The following PRR36 variants were observed in gnomAD, a reference collection of about 807,000 sequenced individuals.
PRR36 encodes the protein proline rich 36.
A neutral mutation model predicts 58.6 loss-of-function variants in PRR36; 30 were observed. The ratio of observed to expected loss-of-function variants is 0.51; its 90% CI spans 0.38 to 0.69. The LOEUF is 0.69. Ranked by LOEUF, PRR36 falls within the 30% of genes least tolerant of loss-of-function variation. The pLI is 0.00. For synonymous variants in PRR36, 771 were observed against 829.3 expected (o/e 0.93, Z 1.21); for missense variants, 1,692 against 1,805.6 (o/e 0.94, Z 1.14).
Position 7,871,643 on chromosome 19 carries a change from G to A in PRR36, c.1601C>T (p.Ser534Phe). The A allele has an allele frequency of 1.3e-6, 2 of 1,535,954 alleles. No homozygotes were observed. The highest frequency in any genetic ancestry group is 2.7e-5 in the African/African-American group (2 of 73,114). The change falls in exon 5 of 6, where the codon TCT (serine) becomes TTT (phenylalanine). Residue 534 changes from serine (S) to phenylalanine (F), a missense_variant. Ser to Phe is a radical substitution (Grantham distance 155). This residue lies in a region of PRR36 where 975 missense variants were observed against 955.2 expected (regional missense o/e 1.02). Transcript: ENST00000618550. ...AGAGACTGTGGTCAAAGGAGAGGGA[G>A]AGGCCTGCAGAGGCAATGTGGCCAG... The part of the protein sequence containing the change: ...PLLATLPLQA[S>F]PSPLTTVSLQ...
rs1980351730 is a variant in PRR36, at chr19:7,870,446, G to C, written c.2798C>G (p.Pro933Arg). ...APPLQVPPSP[P>R]ASPPMSPSAT... ...TGAAGGAGACATTGGGGGAGAGGCA[G>C]GGGGAGAGGGTGGGACCTGCAGAGG... The change falls in exon 5 of 6, where the codon CCT becomes CGT. Residue 933 changes from proline (P) to arginine (R), a missense_variant. Physicochemically the swap from Pro to Arg is moderately radical, Grantham distance 103. Around this residue, in one of 5 missense-constraint regions of PRR36, gnomAD observed 23 missense variants for 54.2 expected, o/e 0.42. Coordinates refer to ENST00000618550, the MANE Select transcript of PRR36 (RefSeq NM_001190467.2). The C allele has an allele frequency of 9.1e-6, 10 of 1,099,192 alleles. No individual in the cohort carries two copies. Among genetic ancestry groups the C allele is most frequent in the Non-Finnish European group, 1.1e-5 (10 of 880,956 alleles). 68.1% of individuals were successfully genotyped at this position (1,099,192 alleles called of 1,614,324 possible). A position where few individuals can be genotyped will look rare whatever the true frequency, so the allele number is the denominator to read the frequency against.
Position 7,870,961 on chromosome 19 carries a change from AG to A in PRR36, c.2282del (p.Pro761LeufsTer3). On this transcript the variant is annotated frameshift_variant, in exon 5 of 6. Coordinates refer to ENST00000618550, the MANE Select transcript of PRR36 (RefSeq NM_001190467.2). LOFTEE classifies it high-confidence loss of function. The stretch of plus-strand genomic sequence containing the variant: ...TCTGCAGAGGAGGCGGGGCTAGAGA[AG>A]GTAGGTTCTCCAGAGGGGGTGTGGT... ...PLTTPPLENL[P>X]SLAPPPLQTA... The A allele has an allele frequency of 1.2e-5, 16 of 1,338,090 alleles. No individual in the cohort carries two copies. Among genetic ancestry groups the A allele is most frequent in the East Asian group, 8.3e-5 (3 of 36,350 alleles). 82.9% of individuals were successfully genotyped at this position (1,338,090 alleles called of 1,614,324 possible).
Position 7,870,975 on chromosome 19 carries a change from GAGGGGGTGTGGT to G in PRR36, c.2257_2268del (p.Thr753_Pro756del). 5.9e-6 allele frequency: 6 copies of G among 1,024,238 alleles called. No individual in the cohort carries two copies. The highest frequency in any genetic ancestry group is 5.3e-6 in the Non-Finnish European group (4 of 750,110). 63.4% of individuals were successfully genotyped at this position (1,024,238 alleles called of 1,614,324 possible). Reference sequence around the variant, plus strand: ...GGGGCTAGAGAAGGTAGGTTCTCCAGAGGGGGTGTGGTCAGGGGAGCAGAAGCTGTCTGCAGA... The same window carrying G: ...GGGGCTAGAGAAGGTAGGTTCTCCAGCAGGGGAGCAGAAGCTGTCTGCAGA... On this transcript the variant is annotated inframe_deletion, in exon 5 of 6. Transcript: ENST00000618550.
chr19:7,870,974 AGAGGGGG>A lies in PRR36; in HGVS notation c.2263_2269del (p.Pro755TrpfsTer7), dbSNP rs1272221531. On this transcript the variant is annotated frameshift_variant, in exon 5 of 6. Coordinates refer to ENST00000618550, the MANE Select transcript of PRR36 (RefSeq NM_001190467.2). LOFTEE classifies it high-confidence loss of function. ...CGGGGCTAGAGAAGGTAGGTTCTCC[AGAGGGGG>A]TGTGGTCAGGGGAGCAGAAGCTGTC... is the stretch of plus-strand genomic sequence containing the variant. The A allele has an allele frequency of 4.9e-6, 5 of 1,020,776 alleles. 1 individual carries two copies. The highest frequency in any genetic ancestry group is 2.5e-4 in the Middle Eastern group (1 of 4,022). 63.2% of individuals were successfully genotyped at this position (1,020,776 alleles called of 1,614,324 possible). A position where few individuals can be genotyped will look rare whatever the true frequency, so the allele number is the denominator to read the frequency against.
At position 7,868,910 on chromosome 19, in the gene PRR36, C is replaced by A; in HGVS notation, c.*123G>T. 1 of 1,193,210 alleles carries A rather than the reference C, an allele frequency of 8.4e-7. No individual in the cohort carries two copies. Among genetic ancestry groups the A allele is most frequent in the Non-Finnish European group, 1.1e-6 (1 of 885,956 alleles). 73.9% of individuals were successfully genotyped at this position (1,193,210 alleles called of 1,614,324 possible). ...GGCCAAAGGCTCAGGCTCTAGGGAG[C>A]TAAGACTAATCCACCCAGCGGGGCT... is the stretch of plus-strand genomic sequence containing the variant. On this transcript the variant is annotated 3_prime_UTR_variant, in exon 6 of 6. Transcript: ENST00000618550.
In PRR36 at chr19:7,870,573, GAGGGGGAGAGAA is replaced by G; in HGVS notation, c.2659_2670del (p.Phe887_Pro890del). The G allele has an allele frequency of 1.2e-6, 1 of 854,472 alleles. No homozygotes were observed. Among genetic ancestry groups the G allele is most frequent in the Non-Finnish European group, 1.4e-6 (1 of 702,334 alleles). 52.9% of individuals were successfully genotyped at this position (854,472 alleles called of 1,614,324 possible). On this transcript the variant is annotated inframe_deletion, in exon 5 of 6. Transcript: ENST00000618550. ...AAAGGGGCCTGCACTGGGGGTGAGG[GAGGGGGAGAGAA>G]AGGGGCCTGCAGAAGGTGCACTGCC... is the stretch of plus-strand genomic sequence containing the variant.
chr19:7,872,522 G>C lies in PRR36; in HGVS notation c.722C>G (p.Ser241Cys). The C allele has an allele frequency of 6.6e-7, 1 of 1,509,316 alleles. No individual in the cohort carries two copies. Among genetic ancestry groups the C allele is most frequent in the Non-Finnish European group, 8.8e-7 (1 of 1,135,724 alleles). The allele number at this position is 1,509,316 out of a possible 1,614,324, so 93.5% of individuals were successfully genotyped here. Reference protein sequence around the residue: ...GGGLQRPASRSLSSSATPLSS... With the variant: ...GGGLQRPASRCLSSSATPLSS... ...GAGAGGGGTGGCGCTGGAGCTCAGGGAGCGCGAGGCCGGCCTCTGGAGACC... is the reference window on the plus strand; with the variant it reads ...GAGAGGGGTGGCGCTGGAGCTCAGGCAGCGCGAGGCCGGCCTCTGGAGACC... Residue 241 changes from serine to cysteine, a missense_variant, in exon 5 of 6, where the codon TCC (serine) becomes TGC (cysteine). Ser to Cys is a moderately radical substitution (Grantham distance 112, BLOSUM62 -1). This residue lies in a region of PRR36 where 975 missense variants were observed against 955.2 expected (regional missense o/e 1.02). Transcript: ENST00000618550. The surrounding 1 kb of genome is among the most constrained non-coding windows in gnomAD (Gnocchi z 6.1).
Position 7,872,990 on chromosome 19 carries a change from C to T in PRR36, c.375-29G>A. On this transcript the variant is annotated intron_variant, in intron 3 of 5. Coordinates refer to ENST00000618550, the MANE Select transcript of PRR36 (RefSeq NM_001190467.2). The surrounding 1 kb of genome is among the most constrained non-coding windows in gnomAD (Gnocchi z 6.1). Reference sequence around the variant, plus strand: ...GAGACAGAAGGGGCCACGCTCAGGCCTAGGTCTTTGTTTGGCTTCCCAAGT... The same window carrying T: ...GAGACAGAAGGGGCCACGCTCAGGCTTAGGTCTTTGTTTGGCTTCCCAAGT... The T allele has an allele frequency of 6.6e-7, 1 of 1,514,140 alleles. No homozygotes were observed. The allele number at this position is 1,514,140 out of a possible 1,614,324, so 93.8% of individuals were successfully genotyped here. A position where few individuals can be genotyped will look rare whatever the true frequency, so the allele number is the denominator to read the frequency against.
In PRR36 at chr19:7,872,400, G is replaced by T. The variant is rs1180974053; in HGVS notation, c.844C>A (p.Pro282Thr). The T allele has an allele frequency of 6.9e-7, 1 of 1,449,820 alleles. No homozygotes were observed. The highest frequency in any genetic ancestry group is 1.4e-5 in the South Asian group (1 of 69,554). 89.8% of individuals were successfully genotyped at this position (1,449,820 alleles called of 1,614,324 possible). The change falls in exon 5 of 6, where the codon CCC becomes ACC. Residue 282 changes from proline to threonine, a missense_variant. By Grantham distance (38) the Pro-to-Thr change is conservative. Coordinates refer to ENST00000618550, the MANE Select transcript of PRR36 (RefSeq NM_001190467.2). The surrounding 1 kb of genome is among the most constrained non-coding windows in gnomAD (Gnocchi z 6.1). ...PKPKGLQALR[P>T]PQVTPPRKDA... ...TTCCTTGGGGGTGTGACCTGAGGGG[G>T]TCGCAGAGCCTGCAGTCCTTTCGGC...
chr19:7,874,095 G>A lies in PRR36; in HGVS notation c.-8+191C>T, dbSNP rs1486970303. The stretch of plus-strand genomic sequence containing the variant: ...CCCTCCAGACCCGGAGCGCACGCCC[G>A]GGTCTCCCCGCCAGCCCCCATCGGC... On this transcript the variant is annotated intron_variant, in intron 1 of 5. Coordinates refer to ENST00000618550, the MANE Select transcript of PRR36 (RefSeq NM_001190467.2). This position sits in a 1 kb window ranked among gnomAD's most constrained non-coding sequence, Gnocchi z 6.0. 6.6e-6 allele frequency among the ~76,000 whole-genome samples: 1 copy of A among 152,012 alleles called. No individual in the cohort carries two copies. The highest frequency in any genetic ancestry group is 6.5e-5 in the Admixed American group (1 of 15,270).
chr19:7,869,479 C>T lies in PRR36; in HGVS notation c.3595G>A (p.Glu1199Lys). The T allele has an allele frequency of 1.3e-6, 2 of 1,514,508 alleles. No individual in the cohort carries two copies. The highest frequency in any genetic ancestry group is 1.8e-6 in the Non-Finnish European group (2 of 1,137,638). The allele number at this position is 1,514,508 out of a possible 1,614,324, so 93.8% of individuals were successfully genotyped here. A position where few individuals can be genotyped will look rare whatever the true frequency, so the allele number is the denominator to read the frequency against. The change falls in exon 6 of 6, where the codon GAG (glutamate) becomes AAG (lysine). Residue 1199 changes from glutamate to lysine, a missense_variant. Glu to Lys is a moderately conservative substitution (Grantham distance 56). Coordinates refer to ENST00000618550, the MANE Select transcript of PRR36 (RefSeq NM_001190467.2). Reference protein sequence around the residue: ...GSADGLCTIYETEGPESATPA... With the variant: ...GSADGLCTIYKTEGPESATPA... ...GTCGCCGACTCGGGCCCTTCAGTCT[C>T]GTAGATGGTGCACAGACCGTCAGCA... is the stretch of plus-strand genomic sequence containing the variant.
In PRR36 at chr19:7,873,646, C is replaced by T; in HGVS notation, c.44G>A (p.Arg15Gln). ...RDKAKAGAAARTPAARAPGLL... is the reference protein window; with the variant it reads ...RDKAKAGAAAQTPAARAPGLL... ...TCCAGGAGCGCGAGCAGCCGGCGTC[C>T]GCGCGGCGGCCCCTGCCTTCGCCTT... is the stretch of plus-strand genomic sequence containing the variant. Residue 15 changes from arginine (R) to glutamine (Q), a missense_variant, in exon 2 of 6, where the codon CGG becomes CAG. Arg to Gln is a conservative substitution (Grantham distance 43). Transcript: ENST00000618550. The surrounding 1 kb of genome is among the most constrained non-coding windows in gnomAD (Gnocchi z 5.0). The T allele has an allele frequency of 6.5e-7, 1 of 1,535,246 alleles. No homozygotes were observed. Among genetic ancestry groups the T allele is most frequent in the Non-Finnish European group, 8.7e-7 (1 of 1,146,718 alleles).
Position 7,873,273 on chromosome 19 carries a change from C to G in PRR36, c.298G>C (p.Gly100Arg). 6.5e-7 allele frequency: 1 copy of G among 1,535,748 alleles called. No individual in the cohort carries two copies. The highest frequency in any genetic ancestry group is 8.7e-7 in the Non-Finnish European group (1 of 1,146,742). ...TTCTTGGCAGGAGGAGCTCTCTCCC[C>G]TCTCCCAGAGGCTGGGGGCCTGGAG... Reference protein sequence around the residue: ...PASRPPASGRGERAPPAKNTS... With the variant: ...PASRPPASGRRERAPPAKNTS... Residue 100 changes from glycine (G) to arginine (R), a missense_variant, in exon 3 of 6, where the codon GGG (glycine) becomes CGG (arginine). Physicochemically the swap from Gly to Arg is moderately radical, Grantham distance 125. Coordinates refer to ENST00000618550, the MANE Select transcript of PRR36 (RefSeq NM_001190467.2). This position sits in a 1 kb window ranked among gnomAD's most constrained non-coding sequence, Gnocchi z 5.0.
rs939631136 is a variant in PRR36 at position 7,872,126 on chromosome 19, G to A, written c.1118C>T (p.Ala373Val). 9 of 1,517,564 alleles carry A rather than the reference G, an allele frequency of 5.9e-6. No homozygotes were observed. The East Asian group carries it at 2.2e-4, about 37-fold the overall frequency. The allele number at this position is 1,517,564 out of a possible 1,614,324, so 94.0% of individuals were successfully genotyped here. ...AGGTGGAGCAGAGGGAGAAGGAGGGGCTAGAGGAAGGGGCGTGGCCAACTG... is the reference window on the plus strand; with the variant it reads ...AGGTGGAGCAGAGGGAGAAGGAGGGACTAGAGGAAGGGGCGTGGCCAACTG... Reference protein sequence around the residue: ...TCQLATPLPLAPPSPSAPPSL... With the variant: ...TCQLATPLPLVPPSPSAPPSL... Residue 373 changes from alanine (A) to valine (V), a missense_variant, in exon 5 of 6, where the codon GCC (alanine) becomes GTC (valine). Ala to Val is a moderately conservative substitution (Grantham distance 64). This residue lies in a region of PRR36 where 975 missense variants were observed against 955.2 expected (regional missense o/e 1.02). Transcript: ENST00000618550. The surrounding 1 kb of genome is among the most constrained non-coding windows in gnomAD (Gnocchi z 6.1).
chr19:7,869,136 T>C lies in PRR36; in HGVS notation c.3938A>G (p.Asp1313Gly), dbSNP rs1231349579. 1 of 1,535,054 alleles carries C rather than the reference T, an allele frequency of 6.5e-7. No individual in the cohort carries two copies. The highest frequency in any genetic ancestry group is 1.4e-5 in the African/African-American group (1 of 72,916). ...GRWAELLSPLDESRASITSVT... is the reference protein window; with the variant it reads ...GRWAELLSPLGESRASITSVT... The stretch of plus-strand genomic sequence containing the variant: ...CGAGGTGATGCTGGCACGGGACTCG[T>C]CCAGGGGAGACAGTAGTTCGGCCCA... The change falls in exon 6 of 6, where the codon GAC becomes GGC. Residue 1313 changes from aspartate to glycine, a missense_variant. Transcript: ENST00000618550.
Position 7,870,328 on chromosome 19 carries a change from CGAA to C in PRR36, c.2913_2915del (p.Ser972del), listed in dbSNP as rs1465143580. ...GTGGGACCCGTGGAGGGGGCGTGGC[CGAA>C]GGAGACATTGGGGGAGAGGCAGGGG... On this transcript the variant is annotated inframe_deletion, in exon 5 of 6. Transcript: ENST00000618550. 1 of 920,362 alleles carries C rather than the reference CGAA, an allele frequency of 1.1e-6. No homozygotes were observed. The highest frequency in any genetic ancestry group is 1.3e-6 in the Non-Finnish European group (1 of 787,288). The allele number at this position is 920,362 out of a possible 1,614,324, so 57.0% of individuals were successfully genotyped here. A position where few individuals can be genotyped will look rare whatever the true frequency, so the allele number is the denominator to read the frequency against.
rs1250190446 is a variant in PRR36 at position 7,872,043 on chromosome 19, G to T, written c.1201C>A (p.Gln401Lys). 6.5e-7 allele frequency: 1 copy of T among 1,535,798 alleles called. No homozygotes were observed. The highest frequency in any genetic ancestry group is 2.0e-5 in the Admixed American group (1 of 50,972). ...GCTTCTGGAAAGGACATAATCAGCT[G>T]TGTGGGTGGAACTTGCGAGGGGGGC... The part of the protein sequence containing the change: ...ATPPSQVPPT[Q>K]LIMSFPEAGV... Residue 401 changes from glutamine to lysine, a missense_variant, in exon 5 of 6, where the codon CAG becomes AAG. By Grantham distance (53) the Gln-to-Lys change is moderately conservative. Coordinates refer to ENST00000618550, the MANE Select transcript of PRR36 (RefSeq NM_001190467.2). This position sits in a 1 kb window ranked among gnomAD's most constrained non-coding sequence, Gnocchi z 6.1.
In PRR36 at chr19:7,871,133, G is replaced by C. The variant is rs563096509; in HGVS notation, c.2111C>G (p.Ser704Cys). The change falls in exon 5 of 6, where the codon TCT becomes TGT. Residue 704 changes from serine (S) to cysteine (C), a missense_variant. Coordinates refer to ENST00000618550, the MANE Select transcript of PRR36 (RefSeq NM_001190467.2). ...LASHSPQAPL[S>C]SLIMPPLETQ... ...CTCCAGAGGGGGCATGATCAGGGAA[G>C]AGAGAGGTGCCTGAGGAGAGTGGGA... is the stretch of plus-strand genomic sequence containing the variant. 1.3e-6 allele frequency: 2 copies of C among 1,535,706 alleles called. No individual in the cohort carries two copies. Among genetic ancestry groups the C allele is most frequent in the African/African-American group, 2.7e-5 (2 of 73,040 alleles).
In PRR36 at chr19:7,871,559, G is replaced by A. The variant is rs960082983; in HGVS notation, c.1685C>T (p.Pro562Leu). 22 of 1,535,548 alleles carry A rather than the reference G, an allele frequency of 1.4e-5. No homozygotes were observed. The highest frequency in any genetic ancestry group is 1.8e-5 in the Non-Finnish European group (21 of 1,146,810). Residue 562 changes from proline to leucine, a missense_variant, in exon 5 of 6, where the codon CCG (proline) becomes CTG (leucine). This residue lies in a region of PRR36 where 975 missense variants were observed against 955.2 expected (regional missense o/e 1.02). Coordinates refer to ENST00000618550, the MANE Select transcript of PRR36 (RefSeq NM_001190467.2). ...SLLASPPLQA[P>L]PHPQAPPSMT... ...AGAAGGTGGGGCCTGTGGGTGGGGC[G>A]GAGCCTGCAGAGGCGGTGAGGCCAA...
Sources: allele counts gnomAD v4.1 joint callset (sites outside exome capture counted in the v4.1 genomes callset), GRCh38; gene constraint gnomAD v4.1.1; regional missense constraint gnomAD v4.1.1; non-coding constraint Gnocchi (gnomAD v3.1); transcripts MANE v1.5; gene names NCBI Gene and HGNC (gene_info 2026-07-23, HGNC 2026-07-21).